The following NXN variants were observed in gnomAD, a reference collection of about 807,000 sequenced individuals.
The protein encoded by NXN is nucleoredoxin 1.
NXN carries 16 observed loss-of-function variants against 48.6 expected under a neutral mutation model. The observed-to-expected ratio is 0.33, with a 90% confidence interval of 0.22 to 0.50. The LOEUF (loss-of-function observed/expected upper bound fraction) is 0.50, where lower values mean the gene tolerates loss of function less well. NXN is among the 20% of genes least tolerant of loss of function. The pLI is 0.98. For missense variants in NXN, 492 were observed against 605.5 expected, an observed-to-expected ratio of 0.81 and a Z score of 1.97; for synonymous variants, 281 against 269.6, an observed-to-expected ratio of 1.04 and a Z score of -0.41.
At chr17:900,052 G>C (rs1019616381) in intron 1 of NXN, among the ~76,000 whole-genome samples, 8 of 152,130 alleles carry the variant, frequency 5.3e-5, no homozygotes, top group African/African-American at 1.7e-4. Flanking sequence ...GATCTCCTGA[G>C]GTCAGGAGTT....
At chr17:841,195 G>C (rs576009693) in intron 1 of NXN, among the ~76,000 whole-genome samples, 2 of 152,230 alleles carry the variant, frequency 1.3e-5, no homozygotes, top group African/African-American at 4.8e-5. Context: ...GCACTCACAC[G>C]TGAATACTTC....
At chr17:892,971 G>A (rs2068439216) in intron 1 of NXN, among the ~76,000 whole-genome samples, 1 of 152,250 alleles carries the variant, frequency 6.6e-6, no homozygotes, top group Non-Finnish European at 1.5e-5. Context: ...AATACCTGGA[G>A]GGCAAGGGAG....
chr17:901,267 A>C (rs1425577101), intron 1 of NXN, among the ~76,000 whole-genome samples: 1 of 152,040 alleles, frequency 6.6e-6, no homozygotes, highest in African/African-American at 2.4e-5. Context: ...TCTGAGCCTC[A>C]ACGTCACCCT....
rs1292243120 is a variant in NXN at position 955,850 on chromosome 17, C to T, written c.360+23469G>A. ...CCGGGAGGCGGAGCTTGCAGTGAGC[C>T]GAGATTGTGCCACTGCACTCCAGCC... On this transcript the variant is annotated intron_variant, in intron 1 of 7. Coordinates refer to ENST00000336868, the MANE Select transcript of NXN (RefSeq NM_022463.5). Among the ~76,000 whole-genome samples, 6 of 151,146 alleles carry T rather than the reference C, an allele frequency of 4.0e-5. No individual in the cohort carries two copies. The East Asian group carries it at 7.8e-4, about 20-fold the overall frequency.
At chr17:954,381 C>CA (rs373088886) in intron 1 of NXN, among the ~76,000 whole-genome samples, 2 of 151,582 alleles carry the variant, frequency 1.3e-5, no homozygotes, top group African/African-American at 2.4e-5. Flanking sequence ...ACTCCATCTC[C>CA]AAAAAAAAGA....
chr17:874,149 CT>C (rs1226254936), intron 1 of NXN, among the ~76,000 whole-genome samples: 1 of 152,186 alleles, frequency 6.6e-6, no homozygotes, highest in Non-Finnish European at 1.5e-5. Context: ...TTATAAGGGA[CT>C]CGTCCCCCTT....
chr17:805,723 A>T lies in NXN; in HGVS notation c.821-476T>A, dbSNP rs1911457824. 2.6e-5 allele frequency among the ~76,000 whole-genome samples: 4 copies of T among 152,102 alleles called. No individual in the cohort carries two copies. The South Asian group carries it at 8.3e-4, about 32-fold the overall frequency. The stretch of plus-strand genomic sequence containing the variant: ...CGTGGTGGCGGGCGCCTGTAGTCCC[A>T]GCTACTCGGGAGGCTGAGGCAGGAG... On this transcript the variant is annotated intron_variant, in intron 5 of 7. Transcript: ENST00000336868.
chr17:814,166 G>A (rs1000483864), intron 5 of NXN, among the ~76,000 whole-genome samples: 20 of 143,256 alleles, frequency 1.4e-4, no homozygotes, highest in Admixed American at 5.9e-4. Flanking sequence ...GGAGGCTGAC[G>A]CAGGAGAACG....
intron 1 of NXN, among the ~76,000 whole-genome samples, chr17:902,297 G>A (rs985395484): frequency 6.6e-6 from 1 of 152,228 alleles, no homozygotes; most frequent in African/African-American, 2.4e-5. Flanking sequence ...TCCGGTAACA[G>A]AAAAAGCTTT....
chr17:917,666 C>T lies in NXN; in HGVS notation c.360+61653G>A, dbSNP rs1027444868. 1.3e-5 allele frequency among the ~76,000 whole-genome samples: 2 copies of T among 152,202 alleles called. No individual in the cohort carries two copies. The highest frequency in any genetic ancestry group is 4.8e-5 in the African/African-American group (2 of 41,452). On this transcript the variant is annotated intron_variant, in intron 1 of 7. Transcript: ENST00000336868. This position sits in a 1 kb window ranked among gnomAD's most constrained non-coding sequence, Gnocchi z 4.5. ...CGTCACCATCTCAACCCAATGTAGG[C>T]CACCCGCTGCAGGCGAGCTTCCCTA...
rs1000829826 is a variant in NXN, at chr17:965,570, G to T, written c.360+13749C>A. ...TCATAATCCAATCAGGGCAAGTTTG[G>T]AATCGGCTGGATTTGAAGACGGCTG... is the stretch of plus-strand genomic sequence containing the variant. On this transcript the variant is annotated intron_variant, in intron 1 of 7. Transcript: ENST00000336868. Among the ~76,000 whole-genome samples the T allele has an allele frequency of 1.1e-4, 16 of 152,148 alleles. No homozygotes were observed. In the East Asian group the frequency reaches 1.7e-3, roughly 16 times the overall value.
At chr17:927,125 A>G (rs2068808227) in intron 1 of NXN, among the ~76,000 whole-genome samples, 1 of 150,854 alleles carries the variant, frequency 6.6e-6, no homozygotes, top group Non-Finnish European at 1.5e-5. Context: ...CATCCTGGCT[A>G]TCATGGTGAA....
chr17:892,925 T>G (rs910330179), intron 1 of NXN, among the ~76,000 whole-genome samples: 1 of 152,200 alleles, frequency 6.6e-6, no homozygotes, highest in Non-Finnish European at 1.5e-5. Flanking sequence ...TTGTAACAAA[T>G]GTAGCGCACC....
Position 885,672 on chromosome 17 carries a change from C to CTTTT in NXN, c.361-59598_361-59595dup, listed in dbSNP as rs532225883. ...GCCCACCTGGGGGCTGCGGTACTCGCTTTTTTTTTTTTTTTTTTTTTTTTT... is the reference window on the plus strand; with the variant it reads ...GCCCACCTGGGGGCTGCGGTACTCGCTTTTTTTTTTTTTTTTTTTTTTTTTTTTT... On this transcript the variant is annotated intron_variant, in intron 1 of 7. Transcript: ENST00000336868. Among the ~76,000 whole-genome samples the CTTTT allele has an allele frequency of 7.0e-4, 59 of 83,760 alleles. 10 individuals carry two copies. Among genetic ancestry groups the CTTTT allele is most frequent in the African/African-American group, 1.6e-3 (25 of 15,232 alleles). The allele number at this position is 83,760 out of a possible 152,430, so 54.9% of individuals were successfully genotyped here. A position where few individuals can be genotyped will look rare whatever the true frequency, so the allele number is the denominator to read the frequency against.
intron 1 of NXN, among the ~76,000 whole-genome samples, chr17:840,432 C>G (rs8074067): frequency 0.29 from 43,497 of 151,946 alleles, 6,384 homozygotes; most frequent in Middle Eastern, 0.36. Flanking sequence ...CTCCACCTCC[C>G]GGGTTCACAC....
chr17:888,962 C>CAAAAA (rs71145786), intron 1 of NXN, among the ~76,000 whole-genome samples: 2 of 101,412 alleles, frequency 2.0e-5, no homozygotes, highest in Non-Finnish European at 2.1e-5. Context: ...AACTCCATCT[C>CAAAAA]AAAAAAAAAA....
At chr17:834,627 C>T (rs906070025) in intron 1 of NXN, among the ~76,000 whole-genome samples, 68 of 151,940 alleles carry the variant, frequency 4.5e-4, no homozygotes, top group African/African-American at 1.5e-3. Flanking sequence ...CCTTATGATC[C>T]GCCCACCTTG....
intron 1 of NXN, among the ~76,000 whole-genome samples, chr17:862,662 G>GAGAAACTACCTTTACAAAGT (rs1435037477): frequency 1.3e-5 from 2 of 152,200 alleles, no homozygotes; most frequent in Non-Finnish European, 2.9e-5. Context: ...AGTTACAAAG[G>GAGAAACTACCTTTACAAAGT]AGAAACTACC....
At chr17:851,408 G>C (rs1417900854) in intron 1 of NXN, among the ~76,000 whole-genome samples, 1 of 152,402 alleles carries the variant, frequency 6.6e-6, no homozygotes, top group African/African-American at 2.4e-5. Flanking sequence ...GAAGCAGAGG[G>C]GCTGAGGGGC....
Sources: gnomAD v4.1 joint callset for allele counts (sites outside exome capture counted in the v4.1 genomes callset) on GRCh38, gnomAD v4.1.1 for gene constraint, Gnocchi (gnomAD v3.1) non-coding constraint, MANE v1.5 for transcripts, NCBI Gene and HGNC (gene_info 2026-07-23, HGNC 2026-07-21) for gene names.